The following GPAM variants were observed in gnomAD, a reference collection of about 807,000 sequenced individuals.
GPAM encodes glycerol-3-phosphate acyltransferase, mitochondrial.
GPAM carries 56 observed loss-of-function variants against 105.0 expected under a neutral mutation model. The ratio of observed to expected loss-of-function variants is 0.53; its 90% CI spans 0.43 to 0.67. The LOEUF (loss-of-function observed/expected upper bound fraction) is 0.67. GPAM is among the 30% of genes least tolerant of loss of function. The pLI is 0.00. For synonymous variants in GPAM, 368 were observed against 354.4 expected (o/e 1.04, Z -0.43); for missense variants, 855 against 989.8 (o/e 0.86, Z 1.83).
At chr10:112,210,425 C>T (rs1847898588) in intron 1 of GPAM, among the ~76,000 whole-genome samples, 1 of 152,168 alleles carries the variant, frequency 6.6e-6, no homozygotes, top group Non-Finnish European at 1.5e-5. Flanking sequence ...GTTTCCCCAC[C>T]ATTATTGCTC....
chr10:112,194,779 T>A lies in GPAM; in HGVS notation n.211-11888A>T, dbSNP rs548003058. Among the ~76,000 whole-genome samples the A allele has an allele frequency of 3.9e-5, 6 of 152,298 alleles. No homozygotes were observed. The South Asian group carries it at 1.2e-3, about 32-fold the overall frequency. Reference sequence around the variant, plus strand: ...TCACAACCTTGTGCTCTCCTGCATTTCTTTCTACCCCCCTAGATGTTTTCT... The same window carrying A: ...TCACAACCTTGTGCTCTCCTGCATTACTTTCTACCCCCCTAGATGTTTTCT... On this transcript the variant is annotated intron_variant and non_coding_transcript_variant, in intron 1 of 3. Coordinates refer to the GPAM transcript ENST00000480130.
intron 12 of GPAM, among the ~76,000 whole-genome samples, chr10:112,165,325 T>C (rs1057500681): frequency 6.6e-6 from 1 of 152,176 alleles, no homozygotes; most frequent in African/African-American, 2.4e-5. Context: ...GATGGCACTA[T>C]CCTTTGGGAT....
chr10:112,222,384 T>C, the GPAM span, among the ~76,000 whole-genome samples: 1 of 152,196 alleles, frequency 6.6e-6, no homozygotes, highest in African/African-American at 2.4e-5. Context: ...TATCGATTTG[T>C]TTTTTAAAAT....
Position 112,151,264 on chromosome 10 carries a change from G to C in GPAM, c.*2286C>G. ...GAAGCCATCACTGTTGGAAAACAATGAGAATGTATCTTTTAGCAAAACGGT... is the reference window on the plus strand; with the variant it reads ...GAAGCCATCACTGTTGGAAAACAATCAGAATGTATCTTTTAGCAAAACGGT... On this transcript the variant is annotated 3_prime_UTR_variant, in exon 22 of 22. Transcript: ENST00000348367. The C allele has an allele frequency of 1.0e-6, 1 of 985,764 alleles. No individual in the cohort carries two copies. Among genetic ancestry groups the C allele is most frequent in the Non-Finnish European group, 1.2e-6 (1 of 829,846 alleles). 61.1% of individuals were successfully genotyped at this position (985,764 alleles called of 1,614,324 possible). A position where few individuals can be genotyped will look rare whatever the true frequency, so the allele number is the denominator to read the frequency against.
In GPAM at chr10:112,199,060, C is replaced by T. The variant is rs891839517; in HGVS notation, n.210+16108G>A. Among the ~76,000 whole-genome samples, 7 of 150,362 alleles carry T rather than the reference C, an allele frequency of 4.7e-5. No individual in the cohort carries two copies. The South Asian group carries it at 1.5e-3, about 32-fold the overall frequency. On this transcript the variant is annotated intron_variant and non_coding_transcript_variant, in intron 1 of 3. Coordinates refer to the GPAM transcript ENST00000480130. Reference sequence around the variant, plus strand: ...GCCTCAGCCTCCCGAGTAGCTGGGACTACAGACACACGCCGCCACGCCTGG... The same window carrying T: ...GCCTCAGCCTCCCGAGTAGCTGGGATTACAGACACACGCCGCCACGCCTGG...
At chr10:112,222,182 TA>T in the GPAM span, among the ~76,000 whole-genome samples, 1 of 152,258 alleles carries the variant, frequency 6.6e-6, no homozygotes, top group Non-Finnish European at 1.5e-5. Context: ...CTCATTTTTC[TA>T]AATTTAAATT....
At chr10:112,212,912 G>A (rs1847928344) in intron 1 of GPAM, among the ~76,000 whole-genome samples, 1 of 152,216 alleles carries the variant, frequency 6.6e-6, no homozygotes, top group Non-Finnish European at 1.5e-5. Flanking sequence ...ACGATTTGGA[G>A]CTCCTCTTCA....
chr10:112,163,886 T>C lies in GPAM; in HGVS notation c.1308-70A>G, dbSNP rs1847169249. The C allele has an allele frequency of 4.0e-6, 3 of 757,078 alleles. No homozygotes were observed. In the South Asian group the frequency reaches 4.2e-5, roughly 11 times the overall value. 46.9% of individuals were successfully genotyped at this position (757,078 alleles called of 1,614,324 possible). On this transcript the variant is annotated intron_variant, in intron 13 of 21. Transcript: ENST00000348367. ...AAGGCAAACCATGTGGAACTGATCT[T>C]TAAATGAATTAGATACTTTAAATTA...
At chr10:112,213,053 T>C (rs545692717) in intron 1 of GPAM, among the ~76,000 whole-genome samples, 2 of 152,320 alleles carry the variant, frequency 1.3e-5, no homozygotes, top group East Asian at 3.9e-4. Context: ...GGGTCTGTGC[T>C]TGCTAATCAC....
At position 112,151,716 on chromosome 10, in the gene GPAM, T is replaced by C. The variant is rs1241816942; in HGVS notation, c.*1834A>G. ...AATCTTGAATAATGGTGAGCTTGAG[T>C]AATCCTTAATTTACAATTTAAAGGA... On this transcript the variant is annotated 3_prime_UTR_variant, in exon 22 of 22. Coordinates refer to ENST00000348367, the MANE Select transcript of GPAM (RefSeq NM_001244949.2). The C allele has an allele frequency of 1.0e-6, 1 of 985,148 alleles. No homozygotes were observed. Among genetic ancestry groups the C allele is most frequent in the Non-Finnish European group, 1.2e-6 (1 of 829,854 alleles). The allele number at this position is 985,148 out of a possible 1,614,324, so 61.0% of individuals were successfully genotyped here.
intron 14 of GPAM, 102 bp downstream of exon 14, chr10:112,163,599 A>G: frequency 1.4e-6 from 1 of 711,502 alleles, no homozygotes; most frequent in Middle Eastern, 3.1e-4. Flanking sequence ...GTGAATTAAT[A>G]GAAGTGGAAA....
intron 9 of GPAM, among the ~76,000 whole-genome samples, chr10:112,170,654 C>T (rs928492727): frequency 3.4e-5 from 5 of 149,134 alleles, no homozygotes; most frequent in Admixed American, 6.8e-5. Flanking sequence ...TTCAGTTTCC[C>T]GGTTCCTTGT....
chr10:112,160,117 C>T (rs1329194934), intron 16 of GPAM, 64 bp from the exon 17 acceptor site: 24 of 1,447,618 alleles, frequency 1.7e-5, no homozygotes, highest in Non-Finnish European at 2.0e-5. Flanking sequence ...CTTCAACTGG[C>T]TTGAATAACC....
At chr10:112,176,796 CTA>C (rs1443264647) in intron 5 of GPAM, among the ~76,000 whole-genome samples, 3 of 152,178 alleles carry the variant, frequency 2.0e-5, no homozygotes, top group Non-Finnish European at 4.4e-5. Flanking sequence ...GTGTGTGACT[CTA>C]TGTGAATGTG....
Position 112,152,448 on chromosome 10 carries a change from C to A in GPAM, c.*1102G>T. On this transcript the variant is annotated 3_prime_UTR_variant, in exon 22 of 22. Transcript: ENST00000348367. ...CCTCAAAGCTAAAAATCCATAAATG[C>A]CTCTAACCATTACCAGTCAGTAGGG... 1.0e-6 allele frequency: 1 copy of A among 985,368 alleles called. No individual in the cohort carries two copies. Among genetic ancestry groups the A allele is most frequent in the Non-Finnish European group, 1.2e-6 (1 of 829,924 alleles). 61.0% of individuals were successfully genotyped at this position (985,368 alleles called of 1,614,324 possible).
At chr10:112,202,160 T>C (rs1481048502) in intron 1 of GPAM, among the ~76,000 whole-genome samples, 1 of 152,198 alleles carries the variant, frequency 6.6e-6, no homozygotes, top group East Asian at 1.9e-4. Context: ...ATAGTAAATA[T>C]TTTAGGCTTT....
upstream of GPAM, among the ~76,000 whole-genome samples, chr10:112,186,537 ATTTAT>A (rs1016888650): frequency 6.6e-6 from 1 of 151,962 alleles, no homozygotes; most frequent in African/African-American, 2.4e-5. Flanking sequence ...TTTTATTTTA[ATTTAT>A]TTTATTTTAT....
intron 2 of GPAM, 102 bp downstream of exon 2, chr10:112,182,692 C>T (rs1847529911): frequency 6.6e-6 from 1 of 152,222 alleles, no homozygotes; most frequent in South Asian, 2.1e-4. Context: ...CATGGGTTGG[C>T]TACAGTCACT....
intron 14 of GPAM, among the ~76,000 whole-genome samples, chr10:112,162,791 T>G (rs1847145699): frequency 6.6e-6 from 1 of 152,100 alleles, no homozygotes; most frequent in Non-Finnish European, 1.5e-5. Flanking sequence ...GGGTAATGGG[T>G]TTTTGCTGTC....
Sources: allele counts gnomAD v4.1 joint callset (sites outside exome capture counted in the v4.1 genomes callset), GRCh38; gene constraint gnomAD v4.1.1; transcripts MANE v1.5; gene names NCBI Gene and HGNC (gene_info 2026-07-23, HGNC 2026-07-21).